ERC1: variants seen among roughly 807,000 people sequenced by gnomAD.
ERC1 encodes ELKS/RAB6-interacting/CAST family member 1.
A neutral mutation model predicts 132.0 loss-of-function variants in ERC1; 56 were observed. The ratio of observed to expected loss-of-function variants is 0.42; its 90% CI spans 0.34 to 0.53. The LOEUF is 0.53. Among genes scored for constraint, ERC1 ranks in the 20% least tolerant of loss-of-function variants. The pLI, the probability that ERC1 is intolerant of heterozygous loss-of-function variation, is 0.03. For missense variants in ERC1, 1,202 were observed against 1,349.9 expected (o/e 0.89, Z 1.72); for synonymous variants, 478 against 476.1 (o/e 1.00, Z -0.05).
intron 2 of ERC1, among the ~76,000 whole-genome samples, chr12:1,031,316 C>T (rs1267389596): frequency 1.3e-5 from 2 of 152,150 alleles, no homozygotes; most frequent in African/African-American, 4.8e-5. Context: ...TGCATATACA[C>T]GTAACGGATT....
chr12:1,185,488 A>C (rs1231223307), intron 11 of ERC1, among the ~76,000 whole-genome samples: 2 of 144,270 alleles, frequency 1.4e-5, no homozygotes, highest in Non-Finnish European at 3.0e-5. Flanking sequence ...TTACTCTTAA[A>C]ACCATTTTCT....
rs757949030 is a variant in ERC1 at position 1,255,621 on chromosome 12, C to CTTTTTTTTTTTTTTTTTTTTTTTTTTTTT, written c.2488-7412_2488-7384dup. Among the ~76,000 whole-genome samples, 4 of 61,558 alleles carry CTTTTTTTTTTTTTTTTTTTTTTTTTTTTT rather than the reference C, an allele frequency of 6.5e-5. 1 individual carries two copies. The highest frequency in any genetic ancestry group is 1.9e-4 in the Admixed American group (1 of 5,214). The allele number at this position is 61,558 out of a possible 152,430, so 40.4% of individuals were successfully genotyped here. A position where few individuals can be genotyped will look rare whatever the true frequency, so the allele number is the denominator to read the frequency against. On this transcript the variant is annotated intron_variant, in intron 13 of 18. Transcript: ENST00000360905. ...TCTTCAGCATCTGTTGCTTCCTGGC[C>CTTTTTTTTTTTTTTTTTTTTTTTTTTTTT]TTTTTTTTTTTTTTTTTTTTTTTTT...
intron 12 of ERC1, among the ~76,000 whole-genome samples, chr12:1,202,881 C>A (rs1425624576): frequency 6.6e-6 from 1 of 152,154 alleles, no homozygotes; most frequent in Non-Finnish European, 1.5e-5. Flanking sequence ...GTGTCACAAC[C>A]AATGAGATAG....
intron 15 of ERC1, among the ~76,000 whole-genome samples, chr12:1,313,068 G>A (rs1005957949): frequency 6.6e-6 from 1 of 152,058 alleles, no homozygotes; most frequent in Non-Finnish European, 1.5e-5. Flanking sequence ...GCAATTTGGG[G>A]CTGCTACAGT....
At chr12:1,131,791 G>T (rs550919922) in intron 7 of ERC1, among the ~76,000 whole-genome samples, 1 of 152,130 alleles carries the variant, frequency 6.6e-6, no homozygotes, top group Non-Finnish European at 1.5e-5. Context: ...GATCAGAAGT[G>T]AGAGGCCAAA....
At chr12:1,321,265 A>G (rs974442832) in intron 15 of ERC1, among the ~76,000 whole-genome samples, 2 of 152,178 alleles carry the variant, frequency 1.3e-5, no homozygotes, top group East Asian at 1.9e-4. Context: ...TGATAGTATT[A>G]TGAGAATTAA....
chr12:1,302,379 C>T (rs1373272007), intron 15 of ERC1, among the ~76,000 whole-genome samples: 1 of 152,114 alleles, frequency 6.6e-6, no homozygotes, highest in Non-Finnish European at 1.5e-5. Flanking sequence ...AAATTTACAG[C>T]TGACATCATA....
intron 17 of ERC1, among the ~76,000 whole-genome samples, chr12:1,409,079 C>G (rs777075605): frequency 6.6e-6 from 1 of 152,132 alleles, no homozygotes; most frequent in Non-Finnish European, 1.5e-5. Context: ...ACAGCTATGG[C>G]GTTATCTTAG....
intron 15 of ERC1, among the ~76,000 whole-genome samples, chr12:1,300,161 G>C (rs928677331): frequency 1.6e-4 from 25 of 152,056 alleles, no homozygotes; most frequent in African/African-American, 6.0e-4. Flanking sequence ...AAATAAGGCT[G>C]TACACCTACA....
chr12:1,435,806 C>G (rs1214980050), intron 17 of ERC1, among the ~76,000 whole-genome samples: 1 of 152,196 alleles, frequency 6.6e-6, no homozygotes, highest in Non-Finnish European at 1.5e-5. Context: ...CTGTATGTGA[C>G]TTGCCTTTCT....
chr12:1,199,596 C>T (rs1450571417), intron 12 of ERC1, among the ~76,000 whole-genome samples: 1 of 151,632 alleles, frequency 6.6e-6, no homozygotes, highest in East Asian at 1.9e-4. Context: ...CATGGTGAAA[C>T]CCTGTCTCTA....
chr12:1,320,858 C>T (rs1381411486), intron 15 of ERC1, among the ~76,000 whole-genome samples: 9 of 152,104 alleles, frequency 5.9e-5, no homozygotes, highest in Admixed American at 5.2e-4. Context: ...CCCGCCACCA[C>T]GCCCAGCTAA....
At chr12:1,439,763 A>G (rs1270066327) in intron 17 of ERC1, among the ~76,000 whole-genome samples, 2 of 152,242 alleles carry the variant, frequency 1.3e-5, no homozygotes, top group African/African-American at 4.8e-5. Context: ...GAAAAAAGTT[A>G]TAACTTACGG....
intron 8 of ERC1, among the ~76,000 whole-genome samples, chr12:1,143,380 G>A (rs909767300): frequency 1.5e-5 from 2 of 134,396 alleles, no homozygotes; most frequent in Admixed American, 1.5e-4. Flanking sequence ...GTGTGTGTGT[G>A]TTCAGACTTC....
At chr12:1,074,067 A>T (rs905922075) in intron 2 of ERC1, among the ~76,000 whole-genome samples, 1 of 151,672 alleles carries the variant, frequency 6.6e-6, no homozygotes, top group Non-Finnish European at 1.5e-5. Context: ...TTTCACCATG[A>T]TGGCCAGGAT....
chr12:1,231,354 C>T, intron 12 of ERC1, among the ~76,000 whole-genome samples: 1 of 152,052 alleles, frequency 6.6e-6, no homozygotes, highest in Admixed American at 6.6e-5. Flanking sequence ...CACTTTACAT[C>T]TTTTTATATT....
At chr12:1,163,787 C>G (rs1952094394) in intron 8 of ERC1, among the ~76,000 whole-genome samples, 4 of 152,220 alleles carry the variant, frequency 2.6e-5, no homozygotes, top group African/African-American at 9.6e-5. Context: ...ACAGTCTCAG[C>G]TCACTGCAAC....
chr12:1,404,068 C>CT (rs1174250708), intron 16 of ERC1, among the ~76,000 whole-genome samples: 1 of 152,154 alleles, frequency 6.6e-6, no homozygotes, highest in Non-Finnish European at 1.5e-5. Context: ...ATTCAGACTG[C>CT]TATAACAAAA....
At position 1,238,780 on chromosome 12, in the gene ERC1, T is replaced by C. The variant is rs149944956; in HGVS notation, c.2487+1876T>C. 4.0e-3 allele frequency among the ~76,000 whole-genome samples: 608 copies of C among 152,282 alleles called. 3 individuals carry two copies. The highest frequency in any genetic ancestry group is 9.7e-3 in the African/African-American group (405 of 41,574). On this transcript the variant is annotated intron_variant, in intron 13 of 18. Transcript: ENST00000360905. ...AGATACTCTTCTAATCTTCTCTCAG[T>C]TGTTATAACACCAAAAGTGCTTTCA...
Sources: allele counts gnomAD v4.1 joint callset (sites outside exome capture counted in the v4.1 genomes callset), GRCh38; gene constraint gnomAD v4.1.1; transcripts MANE v1.5; gene names NCBI Gene and HGNC (gene_info 2026-07-23, HGNC 2026-07-21).